ADGRB3: variants seen among roughly 807,000 people sequenced by gnomAD.
The protein encoded by ADGRB3 is brain-specific angiogenesis inhibitor 3.
A neutral mutation model predicts 193.4 loss-of-function variants in ADGRB3; 37 were observed. The observed-to-expected ratio is 0.19, with a 90% CI of 0.15 to 0.25. The LOEUF is 0.25. Ranked by LOEUF, ADGRB3 falls within the 10% of genes least tolerant of loss-of-function variation. ADGRB3 has a pLI of 1.00. For synonymous variants in ADGRB3, 690 were observed against 644.2 expected, an observed-to-expected ratio of 1.07 and a Z score of -1.08; for missense variants, 1,637 against 1,852.9, an observed-to-expected ratio of 0.88 and a Z score of 2.14.
intron 3 of ADGRB3, among the ~76,000 whole-genome samples, chr6:68,723,240 A>G (rs1428815551): frequency 1.3e-5 from 2 of 151,618 alleles, no homozygotes; most frequent in African/African-American, 2.4e-5. Flanking sequence ...TGGACCCTAC[A>G]TTTTCCTCTA....
intron 24 of ADGRB3, among the ~76,000 whole-genome samples, chr6:69,334,314 C>G (rs183057797): frequency 2.0e-5 from 3 of 152,030 alleles, no homozygotes; most frequent in African/African-American, 7.2e-5. Flanking sequence ...GTTCTTATAA[C>G]CTATGTAATG....
At chr6:68,838,892 CAATT>C (rs1768094953) in intron 3 of ADGRB3, among the ~76,000 whole-genome samples, 2 of 152,020 alleles carry the variant, frequency 1.3e-5, no homozygotes, top group South Asian at 4.1e-4. Context: ...TATAAACAGA[CAATT>C]AAAACAAAAT....
intron 3 of ADGRB3, among the ~76,000 whole-genome samples, chr6:68,799,677 A>T (rs1767276376): frequency 6.6e-6 from 1 of 152,216 alleles, no homozygotes; most frequent in Non-Finnish European, 1.5e-5. Flanking sequence ...GGAGAAAACT[A>T]AAGCACATGA....
At chr6:69,231,542 CATTTGGCCTTAA>C (rs3839476) in intron 17 of ADGRB3, among the ~76,000 whole-genome samples, 33,384 of 152,014 alleles carry the variant, frequency 0.22, 3,944 homozygotes, top group Middle Eastern at 0.29. Context: ...AAATGCTTTT[CATTTGGCCTTAA>C]CTGTTTGTCA....
rs1223294997 is a variant in ADGRB3 at position 69,361,061 on chromosome 6, A to G, written c.3788A>G (p.Asn1263Ser). 6.2e-7 allele frequency: 1 copy of G among 1,612,790 alleles called. No homozygotes were observed. Among genetic ancestry groups the G allele is most frequent in the Non-Finnish European group, 8.5e-7 (1 of 1,179,250 alleles). The change falls in exon 29 of 32, where the codon AAT becomes AGT. Residue 1263 changes from asparagine to serine, a missense_variant. Transcript: ENST00000370598. ...PTGLHMPMSMNELSNPCLKKE... is the reference protein window; with the variant it reads ...PTGLHMPMSMSELSNPCLKKE... ...GGTTTGCACATGCCCATGAGTATGA[A>G]TGAGCTTAGCAATCCATGTTTGAAA...
At chr6:69,191,876 C>A (rs1406590496) in intron 17 of ADGRB3, among the ~76,000 whole-genome samples, 1 of 152,064 alleles carries the variant, frequency 6.6e-6, no homozygotes, top group East Asian at 1.9e-4. Context: ...GGTTGGAAAG[C>A]AGGGTGCAAG....
At chr6:69,366,205 G>A (rs1349288620) in intron 29 of ADGRB3, among the ~76,000 whole-genome samples, 1 of 151,596 alleles carries the variant, frequency 6.6e-6, no homozygotes, top group African/African-American at 2.4e-5. Context: ...TTTTACTCCT[G>A]GATTACAGAA....
At chr6:69,060,198 CTT>C (rs1491338483) in intron 15 of ADGRB3, among the ~76,000 whole-genome samples, 2 of 147,610 alleles carry the variant, frequency 1.4e-5, no homozygotes, top group African/African-American at 2.5e-5. Context: ...CTCTCTCTCT[CTT>C]TCTCTGTCTC....
intron 3 of ADGRB3, among the ~76,000 whole-genome samples, chr6:68,775,318 C>T (rs1202011475): frequency 6.6e-6 from 1 of 152,000 alleles, no homozygotes; most frequent in African/African-American, 2.4e-5. Context: ...AGCTAAGGAA[C>T]AGCAAATGTG....
intron 20 of ADGRB3, among the ~76,000 whole-genome samples, chr6:69,315,389 G>A (rs1768289215): frequency 6.6e-6 from 1 of 151,452 alleles, no homozygotes; most frequent in African/African-American, 2.4e-5. Context: ...CATGTTTTAA[G>A]ATGCAGTCAA....
chr6:68,755,835 A>G (rs1766289203), intron 3 of ADGRB3, among the ~76,000 whole-genome samples: 1 of 152,146 alleles, frequency 6.6e-6, no homozygotes, highest in Non-Finnish European at 1.5e-5. Flanking sequence ...GCCTTGTAAA[A>G]TTGCACCTAA....
chr6:68,905,227 A>C (rs1392836571), intron 3 of ADGRB3, among the ~76,000 whole-genome samples: 1 of 152,190 alleles, frequency 6.6e-6, no homozygotes, highest in Non-Finnish European at 1.5e-5. Flanking sequence ...TTTGAGTTCT[A>C]TTCCTAAAGA....
chr6:68,681,398 G>GC (rs1410997163), intron 3 of ADGRB3, among the ~76,000 whole-genome samples: 2 of 151,962 alleles, frequency 1.3e-5, no homozygotes, highest in African/African-American at 4.8e-5. Flanking sequence ...TCCCACCTCA[G>GC]CCCCCCATGC....
chr6:69,212,793 G>C (rs1765695379), intron 17 of ADGRB3, among the ~76,000 whole-genome samples: 1 of 152,198 alleles, frequency 6.6e-6, no homozygotes, highest in African/African-American at 2.4e-5. Flanking sequence ...ACCTTTATCA[G>C]CAAGTCAGAA....
rs545871765 is a variant in ADGRB3 at position 69,193,445 on chromosome 6, C to T, written c.2481-39845C>T. ...TCTGTTAGTGGGTGTGGATGTGCTTCGGCATCTATACTTTTATTCAGGCCT... is the reference window on the plus strand; with the variant it reads ...TCTGTTAGTGGGTGTGGATGTGCTTTGGCATCTATACTTTTATTCAGGCCT... On this transcript the variant is annotated intron_variant, in intron 17 of 31. Transcript: ENST00000370598. 3.9e-5 allele frequency among the ~76,000 whole-genome samples: 6 copies of T among 152,184 alleles called. No individual in the cohort carries two copies. The East Asian group carries it at 7.7e-4, about 20-fold the overall frequency.
Position 69,352,063 on chromosome 6 carries a change from T to C in ADGRB3, c.3460-2170T>C, listed in dbSNP as rs543191629. Among the ~76,000 whole-genome samples the C allele has an allele frequency of 4.6e-5, 7 of 152,324 alleles. No homozygotes were observed. In the East Asian group the frequency reaches 7.7e-4, roughly 17 times the overall value. ...GAGGTGCAAACAGAAAGTTAATATG[T>C]ACCTATTTTTCTGACATTGGTTTCT... On this transcript the variant is annotated intron_variant, in intron 26 of 31. Transcript: ENST00000370598.
chr6:69,227,045 A>G (rs753690660), intron 17 of ADGRB3, among the ~76,000 whole-genome samples: 22 of 152,172 alleles, frequency 1.4e-4, no homozygotes, highest in Admixed American at 6.6e-5. Context: ...ATTTGTAGCC[A>G]TTTTTTACCT....
intron 3 of ADGRB3, among the ~76,000 whole-genome samples, chr6:68,827,562 T>A (rs995222695): frequency 6.6e-6 from 1 of 151,722 alleles, no homozygotes; most frequent in Admixed American, 6.6e-5. Flanking sequence ...CCGGAATAGA[T>A]GAGAAAGGAT....
At chr6:69,288,540 T>A (rs1767600609) in intron 20 of ADGRB3, among the ~76,000 whole-genome samples, 1 of 152,174 alleles carries the variant, frequency 6.6e-6, no homozygotes. Flanking sequence ...TCCTTCAAGT[T>A]TATTGCTTAC....
Sources: gnomAD v4.1 joint callset for allele counts (sites outside exome capture counted in the v4.1 genomes callset) on GRCh38, gnomAD v4.1.1 for gene constraint, MANE v1.5 for transcripts, NCBI Gene and HGNC (gene_info 2026-07-23, HGNC 2026-07-21) for gene names.